IGFBP7: variants seen among roughly 807,000 people sequenced by gnomAD.
The protein encoded by IGFBP7 is insulin-like growth factor-binding protein 7.
IGFBP7 carries 31 observed loss-of-function variants against 29.4 expected under a neutral mutation model. The ratio of observed to expected loss-of-function variants is 1.05; its 90% CI spans 0.79 to 1.42. IGFBP7 has a LOEUF of 1.42. IGFBP7 is among the 40% of genes most tolerant of loss of function. The pLI, the probability that IGFBP7 is intolerant of heterozygous loss-of-function variation, is 0.00. For missense variants in IGFBP7, 393 were observed against 395.5 expected (o/e 0.99, Z 0.05); for synonymous variants, 172 against 174.9 (o/e 0.98, Z 0.13).
rs10009810 is a variant in IGFBP7, at chr4:57,047,387, A to G, written c.476-6454T>C. Among the ~76,000 whole-genome samples the G allele has an allele frequency of 1.1e-3, 169 of 152,220 alleles. 1 individual carries two copies. Among genetic ancestry groups the G allele is most frequent in the African/African-American group, 3.9e-3 (164 of 41,552 alleles). ...TGAGTCCATTAACCATCTTTTTCTT[A>G]TAAGTTACTCAGTCTCGGGTATGTA... On this transcript the variant is annotated intron_variant, in intron 1 of 4. Transcript: ENST00000295666.
At chr4:57,078,917 A>C (rs1205489739) in intron 1 of IGFBP7, among the ~76,000 whole-genome samples, 1 of 152,140 alleles carries the variant, frequency 6.6e-6, no homozygotes, top group African/African-American at 2.4e-5. Context: ...CTGATCTGGG[A>C]GCTGCTACCT....
intron 1 of IGFBP7, among the ~76,000 whole-genome samples, chr4:57,102,685 A>C (rs1483125723): frequency 2.6e-5 from 4 of 152,220 alleles, no homozygotes; most frequent in Non-Finnish European, 2.9e-5. Flanking sequence ...CCTCTGAAAG[A>C]ATCCTAAGTC....
At chr4:57,064,130 G>A (rs1481773114) in intron 1 of IGFBP7, among the ~76,000 whole-genome samples, 1 of 152,162 alleles carries the variant, frequency 6.6e-6, no homozygotes, top group Non-Finnish European at 1.5e-5. Context: ...CTTGAGCCTA[G>A]GAGTTTCACA....
intron 1 of IGFBP7, among the ~76,000 whole-genome samples, chr4:57,102,454 C>G (rs1165170842): frequency 2.0e-5 from 3 of 152,094 alleles, no homozygotes; most frequent in Non-Finnish European, 2.9e-5. Flanking sequence ...TAAAGAGAGT[C>G]TCCTGACTTC....
At position 57,031,019 on chromosome 4, in the gene IGFBP7, A is replaced by T; in HGVS notation, c.*298T>A. The T allele has an allele frequency of 1.0e-5, 13 of 1,238,206 alleles. No individual in the cohort carries two copies. Among genetic ancestry groups the T allele is most frequent in the African/African-American group, 2.9e-5 (2 of 67,862 alleles). The allele number at this position is 1,238,206 out of a possible 1,614,324, so 76.7% of individuals were successfully genotyped here. A position where few individuals can be genotyped will look rare whatever the true frequency, so the allele number is the denominator to read the frequency against. On this transcript the variant is annotated 3_prime_UTR_variant, in exon 5 of 5. Transcript: ENST00000295666. ...TTACAGGAGTCAACAAGATAATTAA[A>T]TATCTTGGTGTCTTGTTTCTATTGT...
chr4:57,078,730 C>T (rs554359681), intron 1 of IGFBP7, among the ~76,000 whole-genome samples: 1 of 151,304 alleles, frequency 6.6e-6, no homozygotes, highest in Non-Finnish European at 1.5e-5. Context: ...TTGATCTTTG[C>T]TTTTTATGCA....
intron 1 of IGFBP7, among the ~76,000 whole-genome samples, chr4:57,055,099 C>T (rs754996726): frequency 7.2e-5 from 11 of 152,184 alleles, no homozygotes; most frequent in Non-Finnish European, 1.5e-4. Flanking sequence ...ATTCAGTCTC[C>T]AGAAGGCTAT....
chr4:57,109,304 T>C lies in IGFBP7; in HGVS notation c.475+573A>G, dbSNP rs1726112802. 1.3e-5 allele frequency among the ~76,000 whole-genome samples: 2 copies of C among 152,026 alleles called. 1 individual carries two copies. Among genetic ancestry groups the C allele is most frequent in the South Asian group, 4.2e-4 (2 of 4,816 alleles). On this transcript the variant is annotated intron_variant, in intron 1 of 4. Coordinates refer to ENST00000295666, the MANE Select transcript of IGFBP7 (RefSeq NM_001553.3). ...AAAACCAAAAATTGGCCAGGCGTGG[T>C]GGCACAGGCTTATAGTCCCAGCTAC...
intron 1 of IGFBP7, among the ~76,000 whole-genome samples, chr4:57,045,164 T>A (rs1413511979): frequency 6.6e-6 from 1 of 152,244 alleles, no homozygotes; most frequent in African/African-American, 2.4e-5. Context: ...ACATTTGGAT[T>A]ATTCTAAGAA....
At chr4:57,060,046 A>G (rs1387877750) in intron 1 of IGFBP7, among the ~76,000 whole-genome samples, 1 of 152,242 alleles carries the variant, frequency 6.6e-6, no homozygotes, top group Admixed American at 6.5e-5. Flanking sequence ...CATGAGGAAT[A>G]GAAAGATGTT....
At chr4:57,086,156 A>G (rs898873481) in intron 1 of IGFBP7, among the ~76,000 whole-genome samples, 2 of 152,212 alleles carry the variant, frequency 1.3e-5, no homozygotes, top group Non-Finnish European at 2.9e-5. Flanking sequence ...GCAAGAGAGC[A>G]TGCAGAGGGG....
chr4:57,034,237 T>G (rs1476870951), intron 2 of IGFBP7, among the ~76,000 whole-genome samples: 1 of 152,122 alleles, frequency 6.6e-6, no homozygotes, highest in African/African-American at 2.4e-5. Context: ...TTTTATTATA[T>G]AAACTCTGGA....
intron 2 of IGFBP7, among the ~76,000 whole-genome samples, chr4:57,038,387 G>C (rs986329557): frequency 7.9e-5 from 12 of 152,222 alleles, no homozygotes; most frequent in African/African-American, 2.9e-4. Context: ...TGAGAGCAAA[G>C]AGTCAAGAGT....
At chr4:57,088,472 C>T (rs2109792669) in intron 1 of IGFBP7, among the ~76,000 whole-genome samples, 1 of 152,314 alleles carries the variant, frequency 6.6e-6, no homozygotes. Context: ...CTCTCAGTTT[C>T]TGCTTCTACC....
At chr4:57,069,369 G>T (rs1385164488) in intron 1 of IGFBP7, among the ~76,000 whole-genome samples, 5 of 151,996 alleles carry the variant, frequency 3.3e-5, no homozygotes, top group African/African-American at 4.8e-5. Context: ...TGAGAGGATT[G>T]TTGGGGCCAG....
rs1163829093 is a variant in IGFBP7, at chr4:57,099,841, C to T, written c.475+10036G>A. 2.0e-5 allele frequency among the ~76,000 whole-genome samples: 3 copies of T among 151,974 alleles called. No homozygotes were observed. In the East Asian group the frequency reaches 5.8e-4, roughly 29 times the overall value. Reference sequence around the variant, plus strand: ...GACCTCCTGGGCTGAAAGTGATCCTCACACCTCAGCCTCCCAAGTAGCTAG... The same window carrying T: ...GACCTCCTGGGCTGAAAGTGATCCTTACACCTCAGCCTCCCAAGTAGCTAG... On this transcript the variant is annotated intron_variant, in intron 1 of 4. Coordinates refer to ENST00000295666, the MANE Select transcript of IGFBP7 (RefSeq NM_001553.3).
chr4:57,106,640 A>T (rs1726037572), intron 1 of IGFBP7, among the ~76,000 whole-genome samples: 2 of 152,198 alleles, frequency 1.3e-5, no homozygotes, highest in Admixed American at 6.5e-5. Context: ...CTTAAGAATG[A>T]CATTCTGATT....
chr4:57,071,885 C>T (rs938998071), intron 1 of IGFBP7, among the ~76,000 whole-genome samples: 16 of 152,130 alleles, frequency 1.1e-4, no homozygotes, highest in African/African-American at 3.9e-4. Flanking sequence ...CCTGTAATCC[C>T]AGCACATTGG....
chr4:57,037,198 G>C (rs1183183141), intron 2 of IGFBP7, among the ~76,000 whole-genome samples: 1 of 152,178 alleles, frequency 6.6e-6, no homozygotes, highest in African/African-American at 2.4e-5. Flanking sequence ...TGCAGTGTAA[G>C]AAACATTGCT....
Sources: allele counts gnomAD v4.1 joint callset (sites outside exome capture counted in the v4.1 genomes callset), GRCh38; gene constraint gnomAD v4.1.1; transcripts MANE v1.5; gene names NCBI Gene and HGNC (gene_info 2026-07-23, HGNC 2026-07-21).